Variants in ZNF471 observed in about 807,000 individuals in gnomAD.
ZNF471 encodes zinc finger protein 471.
In ZNF471, 7 loss-of-function variants were observed where a neutral mutation model predicts 13.7. That is an observed-to-expected ratio of 0.51 (90% confidence interval 0.29 to 0.96). ZNF471 has a LOEUF of 0.96. Among genes scored for constraint, ZNF471 ranks in the 40% least tolerant of loss-of-function variants. The probability of loss-of-function intolerance (pLI) is 0.08; values close to 1 mark genes in which losing one functional copy is unlikely to be tolerated. For missense variants in ZNF471, 663 were observed against 743.3 expected (o/e 0.89, Z 1.26); for synonymous variants, 218 against 235.6 (o/e 0.93, Z 0.68).
Position 56,524,218 on chromosome 19 carries a change from G to T in ZNF471, c.257-106G>T. ...CCAGTTGACATGCCTGTACATAACA[G>T]GTTTTGTGAGATTTATTAAATATTT... On this transcript the variant is annotated intron_variant, in intron 4 of 4. Transcript: ENST00000308031. This position sits in a 1 kb window ranked among gnomAD's most constrained non-coding sequence, Gnocchi z 4.8. The T allele has an allele frequency of 1.2e-6, 1 of 820,392 alleles. No individual in the cohort carries two copies. The allele number at this position is 820,392 out of a possible 1,614,324, so 50.8% of individuals were successfully genotyped here.
rs563386703 is a variant in ZNF471 at position 56,526,112 on chromosome 19, C to T, written c.*164C>T. 7 of 633,120 alleles carry T rather than the reference C, an allele frequency of 1.1e-5. No individual in the cohort carries two copies. Among genetic ancestry groups the T allele is most frequent in the Non-Finnish European group, 1.8e-5 (7 of 390,482 alleles). 39.2% of individuals were successfully genotyped at this position (633,120 alleles called of 1,614,324 possible). ...TAGGAACAGCTCTGATCTGCAGTTC[C>T]CAGTGAGATCAACGCAGAAGGTGGG... On this transcript the variant is annotated 3_prime_UTR_variant, in exon 5 of 5. Transcript: ENST00000308031.
chr19:56,525,367 G>A lies in ZNF471; in HGVS notation c.1300G>A (p.Asp434Asn), dbSNP rs867394261. The change falls in exon 5 of 5, where the codon GAT becomes AAT. Residue 434 changes from aspartate to asparagine, a missense_variant. By Grantham distance (23) the Asp-to-Asn change is conservative. Coordinates refer to ENST00000308031, the MANE Select transcript of ZNF471 (RefSeq NM_020813.4). ...TACAGGAGAGAAACCTTATGAATGT[G>A]ATATATGTGGGAAAGATTTTAGCCA... Reference protein sequence around the residue: ...IHTGEKPYECDICGKDFSHHA... With the variant: ...IHTGEKPYECNICGKDFSHHA... The A allele has an allele frequency of 2.5e-6, 4 of 1,613,846 alleles. No homozygotes were observed. In the South Asian group the frequency reaches 3.3e-5, roughly 13 times the overall value.
Position 56,524,387 on chromosome 19 carries a change from G to T in ZNF471, c.320G>T (p.Cys107Phe), listed in dbSNP as rs1432644244. 6.2e-7 allele frequency: 1 copy of T among 1,611,252 alleles called. No individual in the cohort carries two copies. The highest frequency in any genetic ancestry group is 1.3e-5 in the African/African-American group (1 of 74,830). Residue 107 changes from cysteine (C) to phenylalanine (F), a missense_variant, in exon 5 of 5, where the codon TGC (cysteine) becomes TTC (phenylalanine). Transcript: ENST00000308031. The surrounding 1 kb of genome is among the most constrained non-coding windows in gnomAD (Gnocchi z 4.8). ...AAGCAGTTCATGTATGATGATGCAT[G>T]CATGGAGGGAATTACTAGCTATGGA... The part of the protein sequence containing the change: ...PLKQFMYDDA[C>F]MEGITSYGLE...
rs148194723 is a variant in ZNF471 at position 56,524,680 on chromosome 19, C to T, written c.613C>T (p.Leu205Phe). 24 of 1,578,032 alleles carry T rather than the reference C, an allele frequency of 1.5e-5. No individual in the cohort carries two copies. Among genetic ancestry groups the T allele is most frequent in the South Asian group, 9.5e-5 (8 of 84,000 alleles). Reference protein sequence around the residue: ...KHKKVYVGKKLFKCNECDKTF... With the variant: ...KHKKVYVGKKFFKCNECDKTF... Reference sequence around the variant, plus strand: ...CAAGAAAGTCTATGTAGGAAAGAAGCTTTTTAAATGTAATGAATGTGACAA... The same window carrying T: ...CAAGAAAGTCTATGTAGGAAAGAAGTTTTTTAAATGTAATGAATGTGACAA... The change falls in exon 5 of 5, where the codon CTT becomes TTT. Residue 205 changes from leucine to phenylalanine, a missense_variant. By Grantham distance (22) the Leu-to-Phe change is conservative (BLOSUM62 0). Coordinates refer to ENST00000308031, the MANE Select transcript of ZNF471 (RefSeq NM_020813.4). The surrounding 1 kb of genome is among the most constrained non-coding windows in gnomAD (Gnocchi z 4.8).
intron 4 of ZNF471, among the ~76,000 whole-genome samples, chr19:56,520,902 T>C (rs1374387833): frequency 6.6e-6 from 1 of 152,236 alleles, no homozygotes; most frequent in Non-Finnish European, 1.5e-5. Flanking sequence ...AAGACATACC[T>C]GAGACTGGGT....
At chr19:56,511,095 G>GTTT in intron 1 of ZNF471, 60 of 743,158 alleles carry the variant, frequency 8.1e-5, no homozygotes, top group African/African-American at 2.0e-4. Flanking sequence ...TTTTTCTTTT[G>GTTT]TTTTTTTTTT....
chr19:56,517,613 G>T (rs886120024), intron 3 of ZNF471, among the ~76,000 whole-genome samples: 11 of 151,960 alleles, frequency 7.2e-5, no homozygotes, highest in Non-Finnish European at 1.3e-4. Flanking sequence ...CCTAATTTTT[G>T]TATTTTTAAT....
In ZNF471 at chr19:56,517,488, G is replaced by C. The variant is rs185952430; in HGVS notation, c.161-994G>C. ...TGGCTAATTTTTTTGTATTTTTTTAGTAGAGATGGGGTTTCACCATGTTAG... is the reference window on the plus strand; with the variant it reads ...TGGCTAATTTTTTTGTATTTTTTTACTAGAGATGGGGTTTCACCATGTTAG... On this transcript the variant is annotated intron_variant, in intron 3 of 4. Transcript: ENST00000308031. Among the ~76,000 whole-genome samples, 225 of 152,068 alleles carry C rather than the reference G, an allele frequency of 1.5e-3. 2 individuals are homozygous for C. The highest frequency in any genetic ancestry group is 5.0e-3 in the African/African-American group (209 of 41,496).
chr19:56,507,983 G>A, intron 1 of ZNF471, 63 bp downstream of exon 1: 1 of 985,986 alleles, frequency 1.0e-6, no homozygotes, highest in Non-Finnish European at 1.2e-6. Flanking sequence ...CAGGCGAGGC[G>A]GGCGGCTCCG....
intron 4 of ZNF471, among the ~76,000 whole-genome samples, chr19:56,519,140 C>T (rs1436613831): frequency 6.6e-6 from 1 of 152,092 alleles, no homozygotes; most frequent in South Asian, 2.1e-4. Context: ...AAGTGAGTTA[C>T]AGGTATACCA....
intron 4 of ZNF471, among the ~76,000 whole-genome samples, chr19:56,519,173 C>T (rs1302062129): frequency 6.6e-6 from 1 of 152,122 alleles, no homozygotes; most frequent in Non-Finnish European, 1.5e-5. Context: ...TCTCAAGAGC[C>T]TTGGGAGACT....
Position 56,508,597 on chromosome 19 carries a change from A to G in ZNF471, c.-56+677A>G, listed in dbSNP as rs1009940627. 2.0e-5 allele frequency among the ~76,000 whole-genome samples: 3 copies of G among 151,390 alleles called. No homozygotes were observed. The highest frequency in any genetic ancestry group is 4.4e-5 in the Non-Finnish European group (3 of 67,916). ...AGAGGCCGGTGTGTGTTCGAGAGAG[A>G]GAAGAATCACCATGTATGCGAGACT... On this transcript the variant is annotated intron_variant, in intron 1 of 4. Transcript: ENST00000308031. This position sits in a 1 kb window ranked among gnomAD's most constrained non-coding sequence, Gnocchi z 4.7.
chr19:56,518,576 A>G lies in ZNF471; in HGVS notation c.255A>G (p.Ser85=). The G allele has an allele frequency of 1.2e-6, 2 of 1,612,948 alleles. No individual in the cohort carries two copies. Among genetic ancestry groups the G allele is most frequent in the Non-Finnish European group, 8.5e-7 (1 of 1,179,402 alleles). ...MTSEMTRSPF[S]DWESIYVTQE... ...GTGAGATGACAAGAAGCCCATTCTC[A>G]GGTGAGTGTGGAAGAACCAGAGAGG... The change falls in exon 4 of 5, where the codon TCA becomes TCG. Residue 85 remains serine, a splice_region_variant and synonymous_variant. Coordinates refer to ENST00000308031, the MANE Select transcript of ZNF471 (RefSeq NM_020813.4).
chr19:56,522,458 C>A lies in ZNF471; in HGVS notation c.257-1866C>A, dbSNP rs1341009587. On this transcript the variant is annotated intron_variant, in intron 4 of 4. Transcript: ENST00000308031. The surrounding 1 kb of genome is among the most constrained non-coding windows in gnomAD (Gnocchi z 4.1). ...TTGTCTTCCTAAATTACTTTCTAAA[C>A]TTTTCAAGAACAATTCCTTCATTAC... 2.0e-5 allele frequency among the ~76,000 whole-genome samples: 3 copies of A among 152,304 alleles called. No homozygotes were observed. The East Asian group carries it at 5.8e-4, about 29-fold the overall frequency.
chr19:56,514,059 ATTTTT>A lies in ZNF471; in HGVS notation c.34-2198_34-2194del, dbSNP rs57705988. Among the ~76,000 whole-genome samples, 386 of 116,682 alleles carry A rather than the reference ATTTTT, an allele frequency of 3.3e-3. 1 individual carries two copies. The highest frequency in any genetic ancestry group is 4.8e-3 in the Non-Finnish European group (274 of 56,904). The allele number at this position is 116,682 out of a possible 152,430, so 76.5% of individuals were successfully genotyped here. ...TTTCTTTCATTGTTTTAACTTTTTA[ATTTTT>A]TTTTTTTTTTTTTTTTTGAGACAGA... On this transcript the variant is annotated intron_variant, in intron 2 of 4. Coordinates refer to ENST00000308031, the MANE Select transcript of ZNF471 (RefSeq NM_020813.4).
intron 1 of ZNF471, among the ~76,000 whole-genome samples, chr19:56,509,383 T>C (rs1191613172): frequency 6.8e-6 from 1 of 146,284 alleles, no homozygotes; most frequent in Non-Finnish European, 1.5e-5. Context: ...TTTCTTCACC[T>C]GCATCCTTTG....
chr19:56,521,830 C>G (rs138773729), intron 4 of ZNF471, among the ~76,000 whole-genome samples: 87 of 152,046 alleles, frequency 5.7e-4, no homozygotes, highest in African/African-American at 2.0e-3. Flanking sequence ...CTTGGTACTC[C>G]CAGCTACTCA....
chr19:56,516,088 C>T lies in ZNF471; in HGVS notation c.34-187C>T, dbSNP rs982959513. On this transcript the variant is annotated intron_variant, in intron 2 of 4. Coordinates refer to ENST00000308031, the MANE Select transcript of ZNF471 (RefSeq NM_020813.4). This position sits in a 1 kb window ranked among gnomAD's most constrained non-coding sequence, Gnocchi z 4.4. The stretch of plus-strand genomic sequence containing the variant: ...ACCCATATTTCCCTATGTTCGGAAT[C>T]GATTGGCCCCATTGTACCCAATGCA... Among the ~76,000 whole-genome samples, 4 of 152,208 alleles carry T rather than the reference C, an allele frequency of 2.6e-5. No homozygotes were observed. The highest frequency in any genetic ancestry group is 4.8e-5 in the African/African-American group (2 of 41,444).
chr19:56,510,134 A>G lies in ZNF471; in HGVS notation c.-55-1383A>G, dbSNP rs563885786. The G allele has an allele frequency of 1.5e-4, 147 of 985,506 alleles. No individual in the cohort carries two copies. In the African/African-American group the frequency reaches 2.3e-3, roughly 16 times the overall value. The allele number at this position is 985,506 out of a possible 1,614,324, so 61.0% of individuals were successfully genotyped here. ...TTGTGAGAGGGTGTATCACAGTATG[A>G]AAAAGATTGGAGTGAGAGTGACCAG... On this transcript the variant is annotated intron_variant, in intron 1 of 4. Transcript: ENST00000308031. The surrounding 1 kb of genome is among the most constrained non-coding windows in gnomAD (Gnocchi z 4.3).
Sources: gnomAD v4.1 joint callset for allele counts (sites outside exome capture counted in the v4.1 genomes callset) on GRCh38, gnomAD v4.1.1 for gene constraint, Gnocchi (gnomAD v3.1) non-coding constraint, MANE v1.5 for transcripts, NCBI Gene and HGNC (gene_info 2026-07-23, HGNC 2026-07-21) for gene names.